ZNF71: variants seen among roughly 807,000 people sequenced by gnomAD.
ZNF71 encodes endothelial zinc finger protein induced by tumor necrosis factor alpha.
Under a neutral mutation model 6.7 loss-of-function variants are expected in ZNF71, and 3 were observed. The ratio of observed to expected loss-of-function variants is 0.45; its 90% confidence interval spans 0.20 to 1.16. ZNF71 has a LOEUF of 1.16. Ranked by LOEUF, ZNF71 falls within the 50% of genes most tolerant of loss-of-function variation. ZNF71 has a pLI of 0.25. For missense variants in ZNF71, 688 were observed against 728.6 expected (o/e 0.94, Z 0.64); for synonymous variants, 343 against 311.1 (o/e 1.10, Z -1.08).
In ZNF71 at chr19:56,622,669, C is replaced by A; in HGVS notation, c.1562C>A (p.Thr521Lys). The change falls in exon 4 of 4, where the codon ACG becomes AAG. Residue 521 changes from threonine to lysine, a missense_variant. Coordinates refer to ENST00000599599, the MANE Select transcript of ZNF71 (RefSeq NM_001370215.1). ...CTCACTGTGCACCAGCGGATCCACA[C>A]GGGCGAGAAGCCCTACCGATGCGGC... is the stretch of plus-strand genomic sequence containing the variant. ...SSLTVHQRIH[T>K]GEKPYRCGEC... 1 of 1,614,176 alleles carries A rather than the reference C, an allele frequency of 6.2e-7. No individual in the cohort carries two copies.
At position 56,621,674 on chromosome 19, in the gene ZNF71, C is replaced by T. The variant is rs186242664; in HGVS notation, c.567C>T (p.Thr189=). The T allele has an allele frequency of 7.4e-6, 12 of 1,614,174 alleles. No homozygotes were observed. The highest frequency in any genetic ancestry group is 1.7e-4 in the Middle Eastern group (1 of 6,058). ...CCATGCCCTGCGAGGAGAAGAAAAC[C>T]TACGACTGCAGCGAGTGTGGCAAGG... ...KPPMPCEEKK[T]YDCSECGKAF... The change falls in exon 4 of 4, where the codon ACC becomes ACT. Residue 189 remains threonine (T), a synonymous_variant. Transcript: ENST00000599599.
intron 3 of ZNF71, among the ~76,000 whole-genome samples, chr19:56,616,763 T>C (rs1185485715): frequency 1.3e-5 from 2 of 152,324 alleles, no homozygotes; most frequent in East Asian, 1.9e-4. Context: ...CTCTGTCTCC[T>C]CAACTTGGGG....
chr19:56,604,339 A>G (rs1304967309), intron 2 of ZNF71, among the ~76,000 whole-genome samples: 1 of 152,184 alleles, frequency 6.6e-6, no homozygotes, highest in African/African-American at 2.4e-5. Context: ...TTTTTAGAAA[A>G]GGAGGAATTA....
intron 1 of ZNF71, among the ~76,000 whole-genome samples, chr19:56,595,985 C>CGTGT (rs986497779): frequency 7.1e-6 from 1 of 139,916 alleles, no homozygotes; most frequent in Non-Finnish European, 1.6e-5. Flanking sequence ...TGTGTGGTAG[C>CGTGT]GTGTGTGTGT....
At chr19:56,610,295 C>G (rs1230556655) in intron 2 of ZNF71, 5 of 152,232 alleles carry the variant, frequency 3.3e-5, no homozygotes, top group Non-Finnish European at 7.3e-5. Flanking sequence ...ATAAAGAGGT[C>G]TGCGCCTGTA....
intron 1 of ZNF71, among the ~76,000 whole-genome samples, chr19:56,597,274 A>G (rs1287851926): frequency 1.3e-5 from 2 of 152,194 alleles, no homozygotes; most frequent in African/African-American, 2.4e-5. Context: ...TTGACCTCAC[A>G]GGACAGGGGT....
rs1250692632 is a variant in ZNF71, at chr19:56,623,337, G to C, written c.*580G>C. 5.9e-6 allele frequency: 1 copy of C among 168,224 alleles called. No homozygotes were observed. Among genetic ancestry groups the C allele is most frequent in the African/African-American group, 2.4e-5 (1 of 41,434 alleles). 10.4% of individuals were successfully genotyped at this position (168,224 alleles called of 1,614,324 possible). A position where few individuals can be genotyped will look rare whatever the true frequency, so the allele number is the denominator to read the frequency against. On this transcript the variant is annotated 3_prime_UTR_variant, in exon 4 of 4. Transcript: ENST00000599599. ...TGTGAGGGGAAAAATTTTTTTTTCA[G>C]AGTTAGCAAATAACAGTAACTACTG...
chr19:56,600,342 C>T (rs58104961), intron 1 of ZNF71, among the ~76,000 whole-genome samples: 1,993 of 55,906 alleles, frequency 0.036, 609 homozygotes, highest in African/African-American at 0.11. Flanking sequence ...GGACTACAGG[C>T]GCCCGCCACC....
intron 2 of ZNF71, among the ~76,000 whole-genome samples, chr19:56,612,890 AGC>A (rs1482245690): frequency 6.6e-6 from 1 of 152,188 alleles, no homozygotes; most frequent in Non-Finnish European, 1.5e-5. Flanking sequence ...TTTCATCTGC[AGC>A]AGCCCTGTTT....
At chr19:56,619,147 CTG>C (rs983537748) in intron 3 of ZNF71, among the ~76,000 whole-genome samples, 12 of 152,302 alleles carry the variant, frequency 7.9e-5, no homozygotes, top group Middle Eastern at 3.4e-3. Flanking sequence ...ATATTTAAAA[CTG>C]TGAAAAATAT....
intron 2 of ZNF71, among the ~76,000 whole-genome samples, chr19:56,612,496 C>T (rs569866967): frequency 3.3e-5 from 5 of 151,950 alleles, no homozygotes; most frequent in Non-Finnish European, 7.4e-5. Flanking sequence ...GAACTAGAGG[C>T]CATTATCATA....
At chr19:56,602,948 C>T (rs544855958) in intron 2 of ZNF71, among the ~76,000 whole-genome samples, 7 of 152,260 alleles carry the variant, frequency 4.6e-5, no homozygotes, top group South Asian at 2.1e-4. Flanking sequence ...TCCTTTTCAC[C>T]ATTTGTCATT....
At chr19:56,614,108 C>T (rs1160100229) in intron 3 of ZNF71, among the ~76,000 whole-genome samples, 170 bp downstream of exon 3, 1 of 152,066 alleles carries the variant, frequency 6.6e-6, no homozygotes, top group African/African-American at 2.4e-5. Flanking sequence ...AATAATATTT[C>T]TCACGTGTTT....
In ZNF71 at chr19:56,618,552, G is replaced by A. The variant is rs1343403538; in HGVS notation, c.161-2716G>A. On this transcript the variant is annotated intron_variant, in intron 3 of 3. Transcript: ENST00000599599. This position sits in a 1 kb window ranked among gnomAD's most constrained non-coding sequence, Gnocchi z 4.6. The stretch of plus-strand genomic sequence containing the variant: ...GACAGGCAGAGAAAAATTGCCACAG[G>A]TCACTGAGTGTTCATAAAGAAGTGG... Among the ~76,000 whole-genome samples, 1 of 152,172 alleles carries A rather than the reference G, an allele frequency of 6.6e-6. No homozygotes were observed. The highest frequency in any genetic ancestry group is 2.4e-5 in the African/African-American group (1 of 41,430).
rs2044640742 is a variant in ZNF71, at chr19:56,598,216, G to C, written c.-53+2788G>C. Among the ~76,000 whole-genome samples, 1 of 152,126 alleles carries C rather than the reference G, an allele frequency of 6.6e-6. No homozygotes were observed. Among genetic ancestry groups the C allele is most frequent in the Non-Finnish European group, 1.5e-5 (1 of 68,042 alleles). ...GGGGGTAGAGGACTTCTCCAAGGAG[G>C]TGACGTTGGAGCTGACCAGGAAGCA... On this transcript the variant is annotated intron_variant, in intron 1 of 3. Coordinates refer to ENST00000599599, the MANE Select transcript of ZNF71 (RefSeq NM_001370215.1). This position sits in a 1 kb window ranked among gnomAD's most constrained non-coding sequence, Gnocchi z 4.2.
chr19:56,622,815 C>T lies in ZNF71; in HGVS notation c.*58C>T, dbSNP rs537900353. 5.5e-4 allele frequency: 851 copies of T among 1,539,120 alleles called. 1 individual carries two copies. The highest frequency in any genetic ancestry group is 4.9e-3 in the African/African-American group (354 of 72,976). ...CCAGGACGGACGCCAGATGGCTGCGCGCTTTGTCAGCAGTGCTGTGAGAAG... is the reference window on the plus strand; with the variant it reads ...CCAGGACGGACGCCAGATGGCTGCGTGCTTTGTCAGCAGTGCTGTGAGAAG... On this transcript the variant is annotated 3_prime_UTR_variant, in exon 4 of 4. Transcript: ENST00000599599.
At position 56,613,878 on chromosome 19, in the gene ZNF71, G is replaced by T. The variant is rs1039907885; in HGVS notation, c.100G>T (p.Ala34Ser). The part of the protein sequence containing the change: ...TQEEWQQLEP[A>S]QKDLYRDVML... Reference sequence around the variant, plus strand: ...GGAGGAGTGGCAGCAGCTGGAGCCTGCCCAGAAGGACCTGTACAGGGATGT... The same window carrying T: ...GGAGGAGTGGCAGCAGCTGGAGCCTTCCCAGAAGGACCTGTACAGGGATGT... Residue 34 changes from alanine to serine, a missense_variant, in exon 3 of 4, where the codon GCC (alanine) becomes TCC (serine). Transcript: ENST00000599599. This position sits in a 1 kb window ranked among gnomAD's most constrained non-coding sequence, Gnocchi z 4.6. 1.8e-6 allele frequency: 2 copies of T among 1,114,898 alleles called. No homozygotes were observed. The highest frequency in any genetic ancestry group is 2.2e-6 in the Non-Finnish European group (2 of 895,706). The allele number at this position is 1,114,898 out of a possible 1,614,324, so 69.1% of individuals were successfully genotyped here.
intron 3 of ZNF71, 103 bp downstream of exon 3, chr19:56,614,041 G>T: frequency 1.0e-6 from 1 of 980,462 alleles, no homozygotes; most frequent in Non-Finnish European, 1.2e-6. Context: ...TACATGGAAA[G>T]TTTTAAAATT....
intron 2 of ZNF71, among the ~76,000 whole-genome samples, chr19:56,611,536 C>T (rs533240771): frequency 2.0e-5 from 3 of 152,222 alleles, no homozygotes; most frequent in Non-Finnish European, 2.9e-5. Flanking sequence ...ATCACGGGAT[C>T]GCAGAGTCAA....
Sources: gnomAD v4.1 joint callset for allele counts (sites outside exome capture counted in the v4.1 genomes callset) on GRCh38, gnomAD v4.1.1 for gene constraint, Gnocchi (gnomAD v3.1) non-coding constraint, MANE v1.5 for transcripts, NCBI Gene and HGNC (gene_info 2026-07-23, HGNC 2026-07-21) for gene names.